MYH9: variants seen among roughly 807,000 people sequenced by gnomAD.
The protein encoded by MYH9 is myosin-9.
Under a neutral mutation model 241.9 loss-of-function variants are expected in MYH9, and 29 were observed. The ratio of observed to expected loss-of-function variants is 0.12; its 90% CI spans 0.09 to 0.16. The LOEUF (loss-of-function observed/expected upper bound fraction) is 0.16. Among genes scored for constraint, MYH9 ranks in the 10% least tolerant of loss-of-function variants. MYH9 has a pLI of 1.00. For missense variants in MYH9, 1,803 were observed against 2,595.5 expected (o/e 0.69, Z 6.63); for synonymous variants, 1,047 against 1,062.6 (o/e 0.99, Z 0.29).
chr22:36,287,014 G>T, intron 34 of MYH9, 168 bp from the exon 35 acceptor site: 1 of 872,622 alleles, frequency 1.1e-6, no homozygotes, highest in Non-Finnish European at 1.8e-6. Context: ...ACAATCATCT[G>T]TGTATCCCAC....
rs1386897991 is a variant in MYH9, at chr22:36,282,004, A to C, written c.*664T>G. On this transcript the variant is annotated 3_prime_UTR_variant, in exon 41 of 41. Coordinates refer to ENST00000216181, the MANE Select transcript of MYH9 (RefSeq NM_002473.6). ...GGGGAGGGGGCATTGCACTTGAGAC[A>C]TTTTAGAATCAGGAGGGAGACAGCG... is the stretch of plus-strand genomic sequence containing the variant. 1 of 233,418 alleles carries C rather than the reference A, an allele frequency of 4.3e-6. No individual in the cohort carries two copies. The highest frequency in any genetic ancestry group is 2.2e-5 in the African/African-American group (1 of 45,262). 14.5% of individuals were successfully genotyped at this position (233,418 alleles called of 1,614,324 possible). A position where few individuals can be genotyped will look rare whatever the true frequency, so the allele number is the denominator to read the frequency against.
intron 31 of MYH9, 126 bp from the exon 32 acceptor site, chr22:36,289,423 G>T: frequency 2.4e-6 from 2 of 841,758 alleles, no homozygotes; most frequent in South Asian, 3.2e-5. Context: ...GGCCTAGGAA[G>T]CACAGGCCCA....
chr22:36,380,744 AAAAAG>A (rs150377619), intron 1 of MYH9, among the ~76,000 whole-genome samples: 25,273 of 151,340 alleles, frequency 0.17, 2,372 homozygotes, highest in African/African-American at 0.26. Context: ...CTGTCTCCAA[AAAAAG>A]AAAAGAAAAG....
At chr22:36,298,825 A>C (rs2146341550) in intron 24 of MYH9, 94 bp downstream of exon 24, 1 of 1,575,412 alleles carries the variant, frequency 6.3e-7, no homozygotes. Context: ...TGAGCTGAGA[A>C]GGCCTCGGTG....
intron 3 of MYH9, 25 bp from the exon 4 acceptor site, chr22:36,327,513 A>G (rs2017354822): frequency 6.2e-7 from 1 of 1,613,726 alleles, no homozygotes; most frequent in African/African-American, 1.3e-5. Flanking sequence ...ACATCAGATT[A>G]ACTCCCGCCA....
At chr22:36,371,390 G>A (rs1186555729) in intron 1 of MYH9, among the ~76,000 whole-genome samples, 3 of 152,190 alleles carry the variant, frequency 2.0e-5, no homozygotes, top group East Asian at 1.9e-4. Flanking sequence ...GGCCATCTAT[G>A]AGCCAAGGAG....
intron 1 of MYH9, among the ~76,000 whole-genome samples, chr22:36,387,131 G>A (rs1279483673): frequency 1.3e-5 from 2 of 152,266 alleles, no homozygotes; most frequent in East Asian, 3.9e-4. Context: ...CCGGGTCCCC[G>A]CCGGGTCCCC....
chr22:36,287,354 A>C (rs1331352058), intron 34 of MYH9, among the ~76,000 whole-genome samples: 1 of 152,250 alleles, frequency 6.6e-6, no homozygotes, highest in Non-Finnish European at 1.5e-5. Flanking sequence ...CGACCACACC[A>C]GTAAAAAAAT....
intron 9 of MYH9, 125 bp from the exon 10 acceptor site, chr22:36,319,760 G>A (rs1005513425): frequency 1.1e-6 from 1 of 923,634 alleles, no homozygotes; most frequent in Admixed American, 2.0e-5. Context: ...CCAACTCCCT[G>A]GGGCCACAGG....
rs2017225504 is a variant in MYH9 at position 36,320,039 on chromosome 22, C to T, written c.1012+181G>A. 6.6e-6 allele frequency among the ~76,000 whole-genome samples: 1 copy of T among 152,212 alleles called. No homozygotes were observed. Among genetic ancestry groups the T allele is most frequent in the South Asian group, 2.1e-4 (1 of 4,830 alleles). Reference sequence around the variant, plus strand: ...CCCTTTCTGAATGCCTGTGGTACCACCAGGAACAAATAACCTTGAACCTCA... The same window carrying T: ...CCCTTTCTGAATGCCTGTGGTACCATCAGGAACAAATAACCTTGAACCTCA... On this transcript the variant is annotated intron_variant, in intron 9 of 40. Transcript: ENST00000216181. This position sits in a 1 kb window ranked among gnomAD's most constrained non-coding sequence, Gnocchi z 4.8.
At position 36,293,224 on chromosome 22, in the gene MYH9, A is replaced by C; in HGVS notation, c.4095+105T>G. 5.4e-6 allele frequency: 8 copies of C among 1,472,540 alleles called. No individual in the cohort carries two copies. The highest frequency in any genetic ancestry group is 7.5e-6 in the Non-Finnish European group (8 of 1,070,492). The allele number at this position is 1,472,540 out of a possible 1,614,324, so 91.2% of individuals were successfully genotyped here. ...GTTGGCTTCCCAGGGGGAGAGCAGC[A>C]ATGGGCCGGCCCAGCGGGCAGGGCT... On this transcript the variant is annotated intron_variant, in intron 30 of 40. Transcript: ENST00000216181. The surrounding 1 kb of genome is among the most constrained non-coding windows in gnomAD (Gnocchi z 5.1).
At chr22:36,352,126 G>A (rs2017773810) in intron 1 of MYH9, among the ~76,000 whole-genome samples, 1 of 152,156 alleles carries the variant, frequency 6.6e-6, no homozygotes, top group African/African-American at 2.4e-5. Flanking sequence ...CAGAACAATT[G>A]TGCCTGGGGT....
At chr22:36,321,900 C>T in intron 6 of MYH9, 79 bp from the exon 7 acceptor site, 1 of 1,247,436 alleles carries the variant, frequency 8.0e-7, no homozygotes, top group Non-Finnish European at 1.2e-6. Flanking sequence ...ACCACAGCCC[C>T]CCGCCCCACC....
Position 36,318,044 on chromosome 22 carries a change from C to G in MYH9, c.1227+163G>C, listed in dbSNP as rs1557539. Among the ~76,000 whole-genome samples, 150,023 of 152,366 alleles carry G rather than the reference C, an allele frequency of 0.98. 73,854 individuals carry two copies. The highest frequency in any genetic ancestry group is 1 in the East Asian group (5,182 of 5,184). ...GAAGCTTCTCCAGTGCTCTAGATGG[C>G]GTTATGCCACCTCTCTCCGGGTTGC... On this transcript the variant is annotated intron_variant, in intron 11 of 40. Coordinates refer to ENST00000216181, the MANE Select transcript of MYH9 (RefSeq NM_002473.6).
At chr22:36,358,063 T>G (rs918267564) in intron 1 of MYH9, among the ~76,000 whole-genome samples, 23 of 152,138 alleles carry the variant, frequency 1.5e-4, no homozygotes, top group Non-Finnish European at 1.6e-4. Context: ...GGGTGGGAGC[T>G]GTTGACACAG....
At chr22:36,307,553 A>C (rs746441970) in intron 15 of MYH9, among the ~76,000 whole-genome samples, 2 of 152,248 alleles carry the variant, frequency 1.3e-5, no homozygotes, top group Non-Finnish European at 2.9e-5. Context: ...TGCTTAAGAC[A>C]GAAGCCAGGA....
intron 1 of MYH9, among the ~76,000 whole-genome samples, chr22:36,379,417 G>A (rs1053702910): frequency 2.0e-5 from 3 of 152,220 alleles, no homozygotes; most frequent in Admixed American, 1.3e-4. Context: ...GCTGAGGCAG[G>A]AGAATGGCGT....
intron 38 of MYH9, among the ~76,000 whole-genome samples, chr22:36,284,863 CTCCTGCTCTGAT>C (rs1048169982): frequency 7.9e-5 from 12 of 152,176 alleles, no homozygotes; most frequent in African/African-American, 2.9e-4. Context: ...CCCCCTGTAC[CTCCTGCTCTGAT>C]TCACTCTCAG....
At position 36,284,073 on chromosome 22, in the gene MYH9, G is replaced by T; in HGVS notation, c.5765+20C>A. 4 of 1,613,620 alleles carry T rather than the reference G, an allele frequency of 2.5e-6. No individual in the cohort carries two copies. The highest frequency in any genetic ancestry group is 3.4e-6 in the Non-Finnish European group (4 of 1,179,688). ...GAGAGAAGTGCCGAGGCAAAGGGGC[G>T]GGTGGGCAGGGCGGCTCACCTGAGC... is the stretch of plus-strand genomic sequence containing the variant. On this transcript the variant is annotated intron_variant, in intron 40 of 40. Coordinates refer to ENST00000216181, the MANE Select transcript of MYH9 (RefSeq NM_002473.6).
Sources: allele counts gnomAD v4.1 joint callset (sites outside exome capture counted in the v4.1 genomes callset), GRCh38; gene constraint gnomAD v4.1.1; non-coding constraint Gnocchi (gnomAD v3.1); transcripts MANE v1.5; gene names NCBI Gene and HGNC (gene_info 2026-07-23, HGNC 2026-07-21).